MACROD2: variants seen among roughly 807,000 people sequenced by gnomAD.
The protein encoded by MACROD2 is ADP-ribose glycohydrolase MACROD2.
In MACROD2, 36 loss-of-function variants were observed where a neutral mutation model predicts 70.4. That is an observed-to-expected ratio of 0.51 (90% confidence interval 0.39 to 0.68). MACROD2 has a LOEUF of 0.68. Among genes scored for constraint, MACROD2 ranks in the 30% least tolerant of loss-of-function variants. MACROD2 has a pLI of 0.00. For synonymous variants in MACROD2, 172 were observed against 178.8 expected, an observed-to-expected ratio of 0.96 and a Z score of 0.30; for missense variants, 496 against 538.4, an observed-to-expected ratio of 0.92 and a Z score of 0.78.
intron 4 of MACROD2, among the ~76,000 whole-genome samples, chr20:14,612,447 T>C (rs1983225671): frequency 6.6e-6 from 1 of 152,092 alleles, no homozygotes; most frequent in Non-Finnish European, 1.5e-5. Flanking sequence ...ATATAATAAT[T>C]GTACTGTAAT....
chr20:14,338,819 T>A (rs913917858), intron 3 of MACROD2, among the ~76,000 whole-genome samples: 3 of 152,336 alleles, frequency 2.0e-5, no homozygotes, highest in African/African-American at 7.2e-5. Flanking sequence ...GTATTTTTAA[T>A]TATGATTTTT....
At chr20:15,429,564 A>G (rs2046339747) in intron 6 of MACROD2, among the ~76,000 whole-genome samples, 1 of 152,114 alleles carries the variant, frequency 6.6e-6, no homozygotes, top group Non-Finnish European at 1.5e-5. Context: ...GAATAAACAA[A>G]CATAGGCTAT....
intron 8 of MACROD2, among the ~76,000 whole-genome samples, chr20:15,543,043 C>A (rs921659990): frequency 4.6e-5 from 7 of 152,158 alleles, no homozygotes; most frequent in Non-Finnish European, 7.3e-5. Context: ...AAGGGCCATG[C>A]AAAATTTAAC....
At chr20:14,712,286 A>G (rs1272205859) in intron 5 of MACROD2, among the ~76,000 whole-genome samples, 1 of 152,204 alleles carries the variant, frequency 6.6e-6, no homozygotes, top group East Asian at 1.9e-4. Context: ...ATTAGTATGC[A>G]TTATTAAAAA....
chr20:14,470,005 G>A (rs2123043503), intron 3 of MACROD2, among the ~76,000 whole-genome samples: 1 of 152,110 alleles, frequency 6.6e-6, no homozygotes, highest in East Asian at 2.0e-4. Context: ...GAGGAGAAGA[G>A]GCATTCTGGT....
At chr20:14,757,398 AG>A (rs1487293896) in intron 5 of MACROD2, among the ~76,000 whole-genome samples, 1 of 152,200 alleles carries the variant, frequency 6.6e-6, no homozygotes, top group African/African-American at 2.4e-5. Context: ...AAATGTACTA[AG>A]GAATTTAGAA....
intron 8 of MACROD2, among the ~76,000 whole-genome samples, chr20:15,788,273 A>G (rs571793831): frequency 6.6e-6 from 1 of 152,290 alleles, no homozygotes; most frequent in South Asian, 2.1e-4. Context: ...TGAGATTATT[A>G]GAGTTTTGCT....
chr20:14,308,959 G>A (rs910885079), intron 3 of MACROD2, among the ~76,000 whole-genome samples: 1 of 152,092 alleles, frequency 6.6e-6, no homozygotes, highest in African/African-American at 2.4e-5. Context: ...TGCTGAGAAA[G>A]GATATGCATT....
chr20:15,671,542 T>G (rs1041597327), intron 8 of MACROD2, among the ~76,000 whole-genome samples: 6 of 152,242 alleles, frequency 3.9e-5, no homozygotes, highest in Non-Finnish European at 8.8e-5. Flanking sequence ...CTATGCATTA[T>G]GTTCATAGAA....
At chr20:15,296,189 C>T (rs932883928) in intron 6 of MACROD2, among the ~76,000 whole-genome samples, 1 of 152,096 alleles carries the variant, frequency 6.6e-6, no homozygotes, top group Non-Finnish European at 1.5e-5. Context: ...TTAGGAAGTG[C>T]AGAGAAGAGA....
intron 2 of MACROD2, among the ~76,000 whole-genome samples, chr20:14,035,952 C>T (rs1053847345): frequency 6.6e-5 from 10 of 152,162 alleles, no homozygotes; most frequent in Non-Finnish European, 1.5e-4. Context: ...ACCATCCTGG[C>T]TAACATGGTG....
intron 8 of MACROD2, among the ~76,000 whole-genome samples, chr20:15,673,806 C>G (rs1332710303): frequency 6.7e-6 from 1 of 149,644 alleles, no homozygotes; most frequent in Admixed American, 6.7e-5. Flanking sequence ...CAGCCCTGAT[C>G]TCAAGGAGCT....
chr20:15,553,846 C>G (rs536868473), intron 8 of MACROD2, among the ~76,000 whole-genome samples: 1 of 152,144 alleles, frequency 6.6e-6, no homozygotes, highest in Admixed American at 6.5e-5. Context: ...GATAGAGGCA[C>G]GGACAAGAAT....
At chr20:15,715,556 T>C (rs1329868938) in intron 8 of MACROD2, among the ~76,000 whole-genome samples, 1 of 152,186 alleles carries the variant, frequency 6.6e-6, no homozygotes, top group Non-Finnish European at 1.5e-5. Context: ...TTTTTAGACA[T>C]TTAGAAAGGA....
At chr20:14,887,398 TG>T (rs1204939051) in intron 5 of MACROD2, among the ~76,000 whole-genome samples, 8 of 41,912 alleles carry the variant, frequency 1.9e-4, no homozygotes, top group African/African-American at 5.8e-4. Context: ...TAGCTTTTTT[TG>T]TTTTTTTTTT....
Position 16,041,291 on chromosome 20 carries a change from G to A in MACROD2, c.1231+13G>A, listed in dbSNP as rs761307021. ...CCAGGTCCTGATGGTAAGGTTCTGA[G>A]CTATTGGAGCCCATGGAAACTACAA... On this transcript the variant is annotated intron_variant, in intron 16 of 17. Transcript: ENST00000684519. 13 of 1,604,950 alleles carry A rather than the reference G, an allele frequency of 8.1e-6. No homozygotes were observed. In the African/African-American group the frequency reaches 1.3e-4, roughly 17 times the overall value.
chr20:15,689,365 TCA>T (rs1177142228), intron 8 of MACROD2, among the ~76,000 whole-genome samples: 1 of 150,564 alleles, frequency 6.6e-6, no homozygotes, highest in Non-Finnish European at 1.5e-5. Context: ...GAGTGTGGAG[TCA>T]CACAATAAAT....
At chr20:15,926,819 A>G (rs544160765) in intron 10 of MACROD2, among the ~76,000 whole-genome samples, 1 of 152,204 alleles carries the variant, frequency 6.6e-6, no homozygotes, top group East Asian at 1.9e-4. Context: ...GAAGACAGAG[A>G]AACAACGAGG....
chr20:16,013,681 A>G (rs929090287), intron 15 of MACROD2, among the ~76,000 whole-genome samples: 6 of 152,300 alleles, frequency 3.9e-5, no homozygotes, highest in African/African-American at 1.4e-4. Flanking sequence ...CAGTGTTGCT[A>G]TATTTATTGT....
Sources: allele counts gnomAD v4.1 joint callset (sites outside exome capture counted in the v4.1 genomes callset), GRCh38; gene constraint gnomAD v4.1.1; transcripts MANE v1.5; gene names NCBI Gene and HGNC (gene_info 2026-07-23, HGNC 2026-07-21).